The following CCDC88C variants were observed in gnomAD, a reference collection of about 807,000 sequenced individuals.
CCDC88C encodes the protein protein Daple.
CCDC88C carries 131 observed loss-of-function variants against 198.8 expected under a neutral mutation model. That is an observed-to-expected ratio of 0.66 (90% CI 0.57 to 0.76). The LOEUF (loss-of-function observed/expected upper bound fraction) is 0.76. Among genes scored for constraint, CCDC88C ranks in the 30% least tolerant of loss-of-function variants. The pLI is 0.00. For missense variants in CCDC88C, 2,553 were observed against 2,631.6 expected, an observed-to-expected ratio of 0.97 and a Z score of 0.65; for synonymous variants, 1,166 against 1,114.7, an observed-to-expected ratio of 1.05 and a Z score of -0.92.
chr14:91,280,439 G>A (rs561252706), intron 27 of CCDC88C, among the ~76,000 whole-genome samples: 3 of 152,174 alleles, frequency 2.0e-5, no homozygotes, highest in South Asian at 2.1e-4. Context: ...AAACAGAATC[G>A]GTCCCCTCCC....
At chr14:91,384,631 C>T (rs542038293) in intron 3 of CCDC88C, 6 of 391,860 alleles carry the variant, frequency 1.5e-5, no homozygotes, top group Non-Finnish European at 2.5e-5. Context: ...GCACTGGCAC[C>T]GGGAGGAAAG....
intron 20 of CCDC88C, 89 bp downstream of exon 20, chr14:91,303,612 T>A: frequency 8.1e-6 from 9 of 1,113,118 alleles, no homozygotes; most frequent in East Asian, 5.2e-5. Flanking sequence ...GTCCCACCCA[T>A]CTACCCCAGG....
chr14:91,336,893 G>A (rs559514173), intron 10 of CCDC88C, among the ~76,000 whole-genome samples: 1 of 152,374 alleles, frequency 6.6e-6, no homozygotes, highest in South Asian at 2.1e-4. Flanking sequence ...AAGCCCGACA[G>A]CTCCACGGCA....
At chr14:91,370,750 T>C (rs1596123224) in intron 3 of CCDC88C, among the ~76,000 whole-genome samples, 2 of 152,050 alleles carry the variant, frequency 1.3e-5, no homozygotes. Context: ...GGTCAGTAGG[T>C]GGACACATCC....
intron 4 of CCDC88C, among the ~76,000 whole-genome samples, chr14:91,357,164 C>A (rs539480293): frequency 6.6e-5 from 10 of 152,306 alleles, no homozygotes; most frequent in African/African-American, 2.4e-4. Flanking sequence ...GACATGGCAC[C>A]CAAGCCCTCG....
chr14:91,289,624 CTTAAT>C (rs1567052650), intron 24 of CCDC88C, among the ~76,000 whole-genome samples: 1 of 152,144 alleles, frequency 6.6e-6, no homozygotes, highest in East Asian at 1.9e-4. Context: ...TGATGCCGTG[CTTAAT>C]TTAGTTGGCA....
Position 91,279,096 on chromosome 14 carries a change from C to T in CCDC88C, c.4768+142G>A, listed in dbSNP as rs558759958. On this transcript the variant is annotated intron_variant, in intron 28 of 29. Transcript: ENST00000389857. ...TTTTATTTTTTTAGAGATGGGGTTT[C>T]GCCATGTTTCCCAGGCTGGTTTCTA... 599 of 680,306 alleles carry T rather than the reference C, an allele frequency of 8.8e-4. 4 individuals carry two copies. Among genetic ancestry groups the T allele is most frequent in the African/African-American group, 1.9e-3 (107 of 55,618 alleles). 42.1% of individuals were successfully genotyped at this position (680,306 alleles called of 1,614,324 possible). A position where few individuals can be genotyped will look rare whatever the true frequency, so the allele number is the denominator to read the frequency against.
intron 4 of CCDC88C, among the ~76,000 whole-genome samples, chr14:91,349,413 G>A (rs1893686849): frequency 6.6e-6 from 1 of 152,234 alleles, no homozygotes; most frequent in African/African-American, 2.4e-5. Flanking sequence ...AGAGCACGCT[G>A]CTTGTCAAAG....
intron 10 of CCDC88C, 59 bp downstream of exon 10, chr14:91,337,946 T>C (rs1893121424): frequency 6.3e-7 from 1 of 1,592,518 alleles, no homozygotes; most frequent in Non-Finnish European, 8.5e-7. Context: ...TCAGTCTGAA[T>C]GTGCTTCTCA....
chr14:91,308,560 C>T (rs1891660085), intron 16 of CCDC88C, 68 bp from the exon 17 acceptor site: 5 of 1,479,108 alleles, frequency 3.4e-6, no homozygotes. Context: ...AGTGTCCTCG[C>T]TGCCAACACA....
At chr14:91,299,900 T>G in intron 21 of CCDC88C, 27 bp downstream of exon 21, 1 of 1,561,624 alleles carries the variant, frequency 6.4e-7, no homozygotes, top group Non-Finnish European at 8.6e-7. Context: ...GGTGCTGCTA[T>G]GTGCAGGGCC....
rs577113929 is a variant in CCDC88C at position 91,342,464 on chromosome 14, C to T, written c.400-1G>A. 6.3e-7 allele frequency: 1 copy of T among 1,575,792 alleles called. No homozygotes were observed. On this transcript the variant is annotated splice_acceptor_variant, in intron 5 of 29. Transcript: ENST00000389857. LOFTEE classifies it high-confidence loss of function. ...CAATGAACTCCTCTTTCCTCTCACA[C>T]TGCGGAGGGTTACATGTGTTAATGG...
At chr14:91,274,218 G>A (rs1471482394) in intron 29 of CCDC88C, among the ~76,000 whole-genome samples, 1 of 152,084 alleles carries the variant, frequency 6.6e-6, no homozygotes, top group Admixed American at 6.5e-5. Flanking sequence ...GGAGGGGGTG[G>A]GGGACAGAGA....
chr14:91,294,091 A>G (rs1434325673), intron 23 of CCDC88C, 82 bp downstream of exon 23: 4 of 1,542,790 alleles, frequency 2.6e-6, no homozygotes, highest in Non-Finnish European at 3.6e-6. Context: ...TCCTCTCTGC[A>G]TGGGAAGCCA....
intron 3 of CCDC88C, among the ~76,000 whole-genome samples, chr14:91,368,463 C>G (rs1894639536): frequency 6.6e-6 from 1 of 152,146 alleles, no homozygotes; most frequent in Admixed American, 6.5e-5. Flanking sequence ...CCATGCTTTC[C>G]AACTGTAAAA....
intron 2 of CCDC88C, among the ~76,000 whole-genome samples, chr14:91,409,110 T>C (rs1886667702): frequency 1.3e-5 from 2 of 151,810 alleles, no homozygotes; most frequent in African/African-American, 2.4e-5. Flanking sequence ...CAAATATATT[T>C]CAAGATTAAA....
intron 4 of CCDC88C, among the ~76,000 whole-genome samples, chr14:91,353,672 G>A (rs768948597): frequency 1.3e-5 from 2 of 152,200 alleles, no homozygotes; most frequent in African/African-American, 2.4e-5. Context: ...AAGGAAGGTC[G>A]GTCACAGCAT....
chr14:91,321,861 G>A (rs77129302), intron 12 of CCDC88C, among the ~76,000 whole-genome samples: 1,707 of 152,274 alleles, frequency 0.011, 38 homozygotes, highest in African/African-American at 0.038. Flanking sequence ...AACTGTGATA[G>A]TGTATGCAAA....
chr14:91,299,345 G>A (rs367840067), intron 21 of CCDC88C, among the ~76,000 whole-genome samples: 4 of 152,150 alleles, frequency 2.6e-5, no homozygotes, highest in Non-Finnish European at 4.4e-5. Flanking sequence ...GTCACTTCCC[G>A]AAAGCACAAA....
Sources: allele counts gnomAD v4.1 joint callset (sites outside exome capture counted in the v4.1 genomes callset), GRCh38; gene constraint gnomAD v4.1.1; transcripts MANE v1.5; gene names NCBI Gene and HGNC (gene_info 2026-07-23, HGNC 2026-07-21).